ANKS1B: variants seen among roughly 807,000 people sequenced by gnomAD.
ANKS1B encodes ankyrin repeat and sterile alpha motif domain containing 1B.
Under a neutral mutation model 148.3 loss-of-function variants are expected in ANKS1B, and 36 were observed. The ratio of observed to expected loss-of-function variants is 0.24; its 90% confidence interval spans 0.19 to 0.32. The LOEUF is 0.32. ANKS1B is among the 10% of genes least tolerant of loss of function. The probability of loss-of-function intolerance (pLI) is 1.00; values close to 1 mark genes in which losing one functional copy is unlikely to be tolerated. For missense variants in ANKS1B, 1,157 were observed against 1,542.6 expected, an observed-to-expected ratio of 0.75 and a Z score of 4.19; for synonymous variants, 542 against 560.8, an observed-to-expected ratio of 0.97 and a Z score of 0.47.
chr12:99,527,086 T>C (rs557418741), intron 9 of ANKS1B, among the ~76,000 whole-genome samples: 34 of 152,270 alleles, frequency 2.2e-4, no homozygotes, highest in African/African-American at 8.2e-4. Flanking sequence ...AAGGAACCAG[T>C]CCTGCTGACA....
intron 19 of ANKS1B, among the ~76,000 whole-genome samples, chr12:98,811,706 T>G (rs888713659): frequency 6.6e-6 from 1 of 152,170 alleles, no homozygotes; most frequent in Non-Finnish European, 1.5e-5. Context: ...GTTCTGCCTA[T>G]GTGGAGAGGT....
intron 8 of ANKS1B, among the ~76,000 whole-genome samples, chr12:99,713,138 C>A (rs759422908): frequency 6.6e-6 from 1 of 152,266 alleles, no homozygotes; most frequent in African/African-American, 2.4e-5. Flanking sequence ...CAAATATATG[C>A]AGGATAATCC....
At chr12:98,740,744 T>A (rs1262353206), downstream of ANKS1B, among the ~76,000 whole-genome samples, 1 of 152,214 alleles carries the variant, frequency 6.6e-6, no homozygotes. Flanking sequence ...AAACTAACAA[T>A]TGCAGCCACA....
chr12:99,581,531 A>G (rs2097569312), intron 9 of ANKS1B, among the ~76,000 whole-genome samples: 1 of 152,248 alleles, frequency 6.6e-6, no homozygotes. Flanking sequence ...AAATCATAAA[A>G]TAAAAGACTG....
intron 16 of ANKS1B, among the ~76,000 whole-genome samples, chr12:99,071,505 A>G (rs1159704366): frequency 3.9e-5 from 6 of 152,200 alleles, no homozygotes; most frequent in African/African-American, 1.4e-4. Flanking sequence ...ATGGAACTAC[A>G]CTGTCAAGAT....
At chr12:99,895,657 G>A in intron 1 of ANKS1B, among the ~76,000 whole-genome samples, 1 of 144,156 alleles carries the variant, frequency 6.9e-6, no homozygotes, top group Admixed American at 7.1e-5. Context: ...AGGGCCCACA[G>A]AGTACCAACC....
intron 12 of ANKS1B, among the ~76,000 whole-genome samples, chr12:99,269,806 G>A (rs1420718286): frequency 1.3e-5 from 2 of 152,010 alleles, no homozygotes; most frequent in African/African-American, 2.4e-5. Context: ...TGATCTGCCC[G>A]CCTCCACCTT....
chr12:99,305,506 C>T (rs1492254), intron 12 of ANKS1B, among the ~76,000 whole-genome samples: 72,045 of 151,836 alleles, frequency 0.47, 19,554 homozygotes, highest in African/African-American at 0.75. Context: ...AATATTTTAG[C>T]TCTGAAAAAA....
At chr12:99,465,272 T>C (rs559466589) in intron 10 of ANKS1B, among the ~76,000 whole-genome samples, 196 of 152,166 alleles carry the variant, frequency 1.3e-3, no homozygotes, top group African/African-American at 4.5e-3. Flanking sequence ...AGGCCTGCCC[T>C]AAAAGAGCTC....
intron 17 of ANKS1B, among the ~76,000 whole-genome samples, chr12:98,962,395 T>TATATATA (rs1475417272): frequency 8.1e-5 from 12 of 148,748 alleles, no homozygotes; most frequent in Admixed American, 5.4e-4. Context: ...CAATTATATA[T>TATATATA]ATATATAATA....
At chr12:98,762,092 T>C (rs2098415710) in intron 25 of ANKS1B, among the ~76,000 whole-genome samples, 1 of 152,148 alleles carries the variant, frequency 6.6e-6, no homozygotes, top group African/African-American at 2.4e-5. Flanking sequence ...GCTGTGTCTG[T>C]ATGTGGGAGT....
At position 98,744,299 on chromosome 12, in the gene ANKS1B, G is replaced by GTAGT. The variant is rs2097836217; in HGVS notation, c.*1436_*1439dup. On this transcript the variant is annotated 3_prime_UTR_variant, in exon 27 of 27. Transcript: ENST00000683438. ...TACATTTGTTAGTTTGAAATAAAAT[G>GTAGT]TAGTTATTCTTCAAAACTCACCAAC... 1 of 934,346 alleles carries GTAGT rather than the reference G, an allele frequency of 1.1e-6. No homozygotes were observed. Among genetic ancestry groups the GTAGT allele is most frequent in the Non-Finnish European group, 1.3e-6 (1 of 783,220 alleles). 57.9% of individuals were successfully genotyped at this position (934,346 alleles called of 1,614,324 possible).
At chr12:99,856,231 A>C (rs2089026637) in intron 1 of ANKS1B, among the ~76,000 whole-genome samples, 1 of 152,148 alleles carries the variant, frequency 6.6e-6, no homozygotes, top group African/African-American at 2.4e-5. Flanking sequence ...AATGGGAGAT[A>C]TTACAACTGA....
At chr12:99,180,633 T>C (rs1467225100) in intron 14 of ANKS1B, among the ~76,000 whole-genome samples, 2 of 151,688 alleles carry the variant, frequency 1.3e-5, no homozygotes, top group South Asian at 2.1e-4. Context: ...AGGGTTTTTT[T>C]TTTTTTTTTT....
chr12:98,735,584 AGT>A lies in ANKS1B; in HGVS notation c.739_740del (p.Thr247Ter), dbSNP rs764931291. ...ATCAAAATTTTCTGAGTGCCTCCTC[AGT>A]GTGTCTCTCTGATGGTTCCTGCCCG... is the stretch of plus-strand genomic sequence containing the variant. On this transcript the variant is annotated frameshift_variant, in exon 10 of 10. Transcript: ENST00000341752. LOFTEE classifies it high-confidence loss of function. 2.3e-5 allele frequency: 18 copies of A among 773,606 alleles called. No homozygotes were observed. The highest frequency in any genetic ancestry group is 4.5e-4 in the Middle Eastern group (2 of 4,426). 47.9% of individuals were successfully genotyped at this position (773,606 alleles called of 1,614,324 possible). A position where few individuals can be genotyped will look rare whatever the true frequency, so the allele number is the denominator to read the frequency against.
chr12:98,809,538 A>G (rs1377247814), intron 19 of ANKS1B, among the ~76,000 whole-genome samples: 1 of 152,180 alleles, frequency 6.6e-6, no homozygotes, highest in Non-Finnish European at 1.5e-5. Flanking sequence ...ATGAAGACAC[A>G]GACATTTAAA....
chr12:99,485,902 A>C (rs116926494), intron 10 of ANKS1B, among the ~76,000 whole-genome samples: 2,107 of 152,204 alleles, frequency 0.014, 18 homozygotes, highest in Non-Finnish European at 0.021. Context: ...GATGATATCT[A>C]TCTCTCTAGA....
intron 8 of ANKS1B, among the ~76,000 whole-genome samples, chr12:99,691,290 C>T (rs981331584): frequency 7.2e-5 from 11 of 152,198 alleles, no homozygotes; most frequent in Non-Finnish European, 1.5e-4. Flanking sequence ...GACTTCCTCC[C>T]CATTGTGTTA....
intron 9 of ANKS1B, among the ~76,000 whole-genome samples, chr12:99,647,483 T>C (rs371123453): frequency 1.3e-5 from 2 of 152,192 alleles, no homozygotes; most frequent in African/African-American, 4.8e-5. Flanking sequence ...ACAGAGAATG[T>C]ATATTAAACT....
Sources: gnomAD v4.1 joint callset for allele counts (sites outside exome capture counted in the v4.1 genomes callset) on GRCh38, gnomAD v4.1.1 for gene constraint, MANE v1.5 for transcripts, NCBI Gene and HGNC (gene_info 2026-07-23, HGNC 2026-07-21) for gene names.